The following CHM variants were observed in gnomAD, a reference collection of about 807,000 sequenced individuals.
CHM encodes the protein CHM Rab escort protein.
Under a neutral mutation model 49.0 loss-of-function variants are expected in CHM, and 10 were observed. That is an observed-to-expected ratio of 0.20 (90% CI 0.13 to 0.35). The LOEUF is 0.35. CHM is among the 10% of genes least tolerant of loss of function. The pLI is 1.00. For synonymous variants in CHM, 184 were observed against 167.5 expected (o/e 1.10, Z -0.76); for missense variants, 455 against 478.4 (o/e 0.95, Z 0.46).
intron 10 of CHM, 39 bp downstream of exon 10, chrX:85,901,045 A>C: frequency 1.0e-6 from 1 of 954,800 alleles, no homozygotes; most frequent in Non-Finnish European, 1.5e-6. Flanking sequence ...AATGTCAATA[A>C]AATTACCTTC....
At chrX:85,966,210 G>A (rs1346923734) in intron 4 of CHM, among the ~76,000 whole-genome samples, 3 of 109,252 alleles carry the variant, frequency 2.7e-5, no homozygotes, top group Non-Finnish European at 5.7e-5. Flanking sequence ...TTAGCTGGGC[G>A]TGGTGATGGG....
chrX:86,002,631 G>T (rs1932765895), intron 2 of CHM, among the ~76,000 whole-genome samples: 1 of 112,083 alleles, frequency 8.9e-6, no homozygotes, highest in Non-Finnish European at 1.9e-5. Flanking sequence ...AGGGGTCGGG[G>T]TATTTCCCTT....
chrX:85,893,584 G>C (rs1021668373), intron 12 of CHM, among the ~76,000 whole-genome samples: 8 of 111,101 alleles, frequency 7.2e-5, no homozygotes, highest in African/African-American at 2.6e-4. Flanking sequence ...TAAGAGGTAG[G>C]GGCTTTGGAA....
intron 8 of CHM, among the ~76,000 whole-genome samples, chrX:85,948,412 T>C (rs1415480065): frequency 8.9e-6 from 1 of 112,061 alleles, no homozygotes; most frequent in Non-Finnish European, 1.9e-5. Flanking sequence ...TCTTCCAATA[T>C]GCTCCAATTA....
chrX:85,864,887 C>T, intron 14 of CHM, 66 bp from the exon 15 acceptor site: 1 of 1,028,630 alleles, frequency 9.7e-7, no homozygotes, highest in Non-Finnish European at 1.3e-6. Flanking sequence ...GCATTTCTGG[C>T]ATTAACTAAA....
intron 2 of CHM, among the ~76,000 whole-genome samples, chrX:86,001,504 T>C (rs1932718515): frequency 9.0e-6 from 1 of 111,535 alleles, no homozygotes. Flanking sequence ...AACATCCGCT[T>C]CTGGAAAGGG....
intron 2 of CHM, among the ~76,000 whole-genome samples, chrX:86,012,319 G>A (rs1379725928): frequency 1.8e-5 from 2 of 111,713 alleles, no homozygotes; most frequent in Non-Finnish European, 3.8e-5. Flanking sequence ...ACAGGCCCTG[G>A]AGACAAAAAC....
chrX:86,008,591 G>A (rs1256283847), intron 2 of CHM, among the ~76,000 whole-genome samples: 1 of 110,985 alleles, frequency 9.0e-6, no homozygotes, highest in Non-Finnish European at 1.9e-5. Context: ...TCCTTACTTC[G>A]CTGTCTTCCC....
intron 1 of CHM, among the ~76,000 whole-genome samples, chrX:86,036,045 G>T (rs917302321): frequency 2.7e-5 from 3 of 110,063 alleles, no homozygotes; most frequent in African/African-American, 9.9e-5. Flanking sequence ...CGCCCGCCTC[G>T]GCCTCCCAAA....
intron 14 of CHM, among the ~76,000 whole-genome samples, chrX:85,868,071 T>G (rs1264011205): frequency 9.1e-6 from 1 of 109,909 alleles, no homozygotes; most frequent in East Asian, 2.9e-4. Flanking sequence ...TAAGAATACT[T>G]AAAATCTGCT....
At chrX:86,025,683 A>T (rs1317650498) in intron 2 of CHM, among the ~76,000 whole-genome samples, 16 of 105,184 alleles carry the variant, frequency 1.5e-4, no homozygotes, top group South Asian at 8.8e-4. Context: ...TGTCAAAAAA[A>T]AAAAAAGAAA....
chrX:86,012,390 T>C (rs763590600), intron 2 of CHM, among the ~76,000 whole-genome samples: 1 of 111,960 alleles, frequency 8.9e-6, no homozygotes, highest in Non-Finnish European at 1.9e-5. Flanking sequence ...AACAGGCCAT[T>C]TGGAGGATAA....
chrX:85,980,079 A>G, intron 3 of CHM, among the ~76,000 whole-genome samples: 1 of 111,813 alleles, frequency 8.9e-6, no homozygotes, highest in Non-Finnish European at 1.9e-5. Flanking sequence ...AAACTTCAAG[A>G]AAAACATTTT....
intron 12 of CHM, among the ~76,000 whole-genome samples, chrX:85,881,173 T>G (rs955607583): frequency 8.9e-6 from 1 of 111,854 alleles, no homozygotes; most frequent in South Asian, 3.7e-4. Flanking sequence ...TAAATAGATA[T>G]GCATTCCCAT....
Position 85,964,076 on chromosome X carries a change from C to A in CHM, c.315-24G>T, listed in dbSNP as rs772035693. 16 of 1,185,067 alleles carry A rather than the reference C, an allele frequency of 1.4e-5. No individual in the cohort carries two copies. The South Asian group carries it at 2.0e-4, about 15-fold the overall frequency. On this transcript the variant is annotated intron_variant, in intron 4 of 14. Coordinates refer to ENST00000357749, the MANE Select transcript of CHM (RefSeq NM_000390.4). ...GACTAATAAGAAATATAATAATAAACACCAGGCTTTATATATATATTCCCT... is the reference window on the plus strand; with the variant it reads ...GACTAATAAGAAATATAATAATAAAAACCAGGCTTTATATATATATTCCCT...
intron 8 of CHM, among the ~76,000 whole-genome samples, chrX:85,913,695 G>A (rs1927270321): frequency 9.0e-6 from 1 of 111,023 alleles, no homozygotes; most frequent in Admixed American, 9.6e-5. Context: ...GGCACCAATA[G>A]GAAAGTAATA....
chrX:85,922,943 C>T (rs751632949), intron 8 of CHM, among the ~76,000 whole-genome samples: 123 of 112,265 alleles, frequency 1.1e-3, no homozygotes, highest in Non-Finnish European at 2.1e-3. Context: ...GCAAGCGTGA[C>T]CTGATATGAG....
At chrX:85,968,564 G>C (rs1272168454) in intron 4 of CHM, among the ~76,000 whole-genome samples, 1 of 112,267 alleles carries the variant, frequency 8.9e-6, no homozygotes, top group Non-Finnish European at 1.9e-5. Context: ...GTTTGATTTA[G>C]AAGTGAGTAC....
chrX:85,897,043 AAT>A (rs1433699364), intron 11 of CHM, among the ~76,000 whole-genome samples: 9 of 95,027 alleles, frequency 9.5e-5, no homozygotes, highest in East Asian at 6.0e-4. Flanking sequence ...ATAATAACAT[AAT>A]ATATAATACA....
Sources: allele counts gnomAD v4.1 joint callset (sites outside exome capture counted in the v4.1 genomes callset), GRCh38; gene constraint gnomAD v4.1.1; transcripts MANE v1.5; gene names NCBI Gene and HGNC (gene_info 2026-07-23, HGNC 2026-07-21).